Variants in BST1 observed in about 807,000 individuals in gnomAD.
BST1 encodes bone marrow stromal cell antigen 1.
In BST1, 49 loss-of-function variants were observed where a neutral mutation model predicts 40.6. The ratio of observed to expected loss-of-function variants is 1.21; its 90% CI spans 0.96 to 1.53. The LOEUF (loss-of-function observed/expected upper bound fraction) is 1.53, where lower values mean the gene tolerates loss of function less well. Ranked by LOEUF, BST1 falls within the 40% of genes most tolerant of loss-of-function variation. The probability of loss-of-function intolerance (pLI) is 0.00; values close to 1 mark genes in which losing one functional copy is unlikely to be tolerated. For missense variants in BST1, 423 were observed against 395.9 expected (o/e 1.07, Z -0.58); for synonymous variants, 157 against 159.3 (o/e 0.99, Z 0.11).
chr4:15,739,858 G>A (rs566101479), downstream of BST1, among the ~76,000 whole-genome samples: 6 of 152,094 alleles, frequency 3.9e-5, no homozygotes, highest in East Asian at 9.6e-4. Flanking sequence ...GGTGGTAGGA[G>A]GGGGAAGGAG....
At chr4:15,737,703 C>T (rs1047061512), downstream of BST1, 52 of 966,390 alleles carry the variant, frequency 5.4e-5, no homozygotes, top group South Asian at 4.4e-4. Context: ...CCTCTCCTGT[C>T]GTAGGTACCA....
At chr4:15,719,267 T>C (rs1720679787) in intron 7 of BST1, among the ~76,000 whole-genome samples, 1 of 152,174 alleles carries the variant, frequency 6.6e-6, no homozygotes, top group African/African-American at 2.4e-5. Flanking sequence ...CTCCTCACTG[T>C]GCTTACTGTG....
At chr4:15,744,484 C>T in the BST1 span, among the ~76,000 whole-genome samples, 1 of 152,268 alleles carries the variant, frequency 6.6e-6, no homozygotes, top group African/African-American at 2.4e-5. Context: ...ATGGGGGAAA[C>T]CGCCCCCATA....
At chr4:15,743,535 G>A in the BST1 span, 6 of 355,224 alleles carry the variant, frequency 1.7e-5, no homozygotes, top group African/African-American at 1.3e-4. Flanking sequence ...GAATGTTAAG[G>A]AAGCTGAGGG....
At chr4:15,715,207 A>G (rs1353326713) in intron 4 of BST1, 78 bp from the exon 5 acceptor site, 2 of 1,332,822 alleles carry the variant, frequency 1.5e-6, no homozygotes, top group African/African-American at 2.9e-5. Context: ...TAGAACTGAC[A>G]ATTTGTAAAA....
chr4:15,754,032 A>G, the BST1 span, among the ~76,000 whole-genome samples: 49 of 152,314 alleles, frequency 3.2e-4, no homozygotes, highest in African/African-American at 1.1e-3. Context: ...GGCTGGATCC[A>G]GGGCAGAGAG....
chr4:15,767,986 T>C, the BST1 span, among the ~76,000 whole-genome samples: 1 of 152,192 alleles, frequency 6.6e-6, no homozygotes, highest in Non-Finnish European at 1.5e-5. Flanking sequence ...TTTGACCACA[T>C]GGTCACCTTG....
downstream of BST1, among the ~76,000 whole-genome samples, chr4:15,740,111 T>C (rs572533635): frequency 2.0e-5 from 3 of 152,274 alleles, no homozygotes; most frequent in East Asian, 5.8e-4. Context: ...TGGAGTGCAG[T>C]GGCACCGTCT....
the BST1 span, among the ~76,000 whole-genome samples, chr4:15,756,553 T>C: frequency 2.0e-5 from 3 of 152,218 alleles, 1 homozygote; most frequent in Admixed American, 1.3e-4. Flanking sequence ...GGTTAACACA[T>C]GTTGAGAAAC....
chr4:15,764,873 G>GGTGTGTGTGT, the BST1 span, among the ~76,000 whole-genome samples: 164 of 137,458 alleles, frequency 1.2e-3, 1 homozygote, highest in Middle Eastern at 3.8e-3. Flanking sequence ...AATTAGGTGA[G>GGTGTGTGTGT]GTGTGTGTGT....
At chr4:15,761,335 G>A in the BST1 span, among the ~76,000 whole-genome samples, 1 of 151,972 alleles carries the variant, frequency 6.6e-6, no homozygotes, top group Non-Finnish European at 1.5e-5. Context: ...CTGGGAAAGA[G>A]GCTTTTTTTG....
At chr4:15,719,021 T>C in intron 7 of BST1, 28 bp downstream of exon 7, 1 of 1,595,830 alleles carries the variant, frequency 6.3e-7, no homozygotes, top group Non-Finnish European at 8.6e-7. Context: ...CAATGTGCTC[T>C]TGTAGAGGTG....
chr4:15,763,793 A>G, the BST1 span, among the ~76,000 whole-genome samples: 1 of 152,034 alleles, frequency 6.6e-6, no homozygotes, highest in East Asian at 1.9e-4. Context: ...TTAAATGCAT[A>G]TTGCTAAGTG....
chr4:15,746,808 C>G, the BST1 span, among the ~76,000 whole-genome samples: 3 of 152,130 alleles, frequency 2.0e-5, no homozygotes, highest in Admixed American at 2.0e-4. Context: ...TGAGAGGGGG[C>G]TAGGGACATG....
intron 2 of BST1, among the ~76,000 whole-genome samples, chr4:15,706,521 AAAT>A (rs1719888898): frequency 6.6e-6 from 1 of 152,238 alleles, no homozygotes; most frequent in Admixed American, 6.5e-5. Flanking sequence ...AATAAAATGA[AAAT>A]AATGAGAAAA....
chr4:15,749,935 CTTTTTTT>C, the BST1 span, among the ~76,000 whole-genome samples: 3 of 137,762 alleles, frequency 2.2e-5, no homozygotes, highest in Non-Finnish European at 4.8e-5. Flanking sequence ...TCATTCTTTT[CTTTTTTT>C]TTTTTTTTTG....
the BST1 span, among the ~76,000 whole-genome samples, chr4:15,767,796 T>C: frequency 6.6e-6 from 1 of 151,934 alleles, no homozygotes; most frequent in African/African-American, 2.4e-5. Flanking sequence ...TTTTTTTTTA[T>C]TTTTAGTAGA....
the BST1 span, among the ~76,000 whole-genome samples, chr4:15,754,358 G>T: frequency 4.6e-5 from 7 of 152,180 alleles, no homozygotes; most frequent in African/African-American, 1.4e-4. Flanking sequence ...GGAAACAGGG[G>T]TATGTTGAGT....
In BST1 at chr4:15,722,936, T is replaced by C. The variant is rs778594271; in HGVS notation, c.851+2T>C. On this transcript the variant is annotated splice_donor_variant, in intron 8 of 8. Transcript: ENST00000265016. LOFTEE classifies it high-confidence loss of function. ...CCATCCTGACTGTGCCTTAAAGTCG[T>C]AAGTAAATGTCTTAACCCAAATCGT... The C allele has an allele frequency of 8.7e-6, 14 of 1,613,398 alleles. No individual in the cohort carries two copies. The highest frequency in any genetic ancestry group is 1.6e-4 in the Middle Eastern group (1 of 6,062).
Sources: gnomAD v4.1 joint callset for allele counts (sites outside exome capture counted in the v4.1 genomes callset) on GRCh38, gnomAD v4.1.1 for gene constraint, MANE v1.5 for transcripts, NCBI Gene and HGNC (gene_info 2026-07-23, HGNC 2026-07-21) for gene names.